The following ZNF69 variants were observed in gnomAD, a reference collection of about 807,000 sequenced individuals.
ZNF69 encodes zinc finger protein 69.
In ZNF69, 47 loss-of-function variants were observed where a neutral mutation model predicts 50.9. That is an observed-to-expected ratio of 0.92 (90% CI 0.73 to 1.18). The LOEUF is 1.18. Among genes scored for constraint, ZNF69 ranks in the 50% most tolerant of loss-of-function variants. ZNF69 has a pLI of 0.00. For missense variants in ZNF69, 717 were observed against 675.1 expected (o/e 1.06, Z -0.69); for synonymous variants, 216 against 223.1 (o/e 0.97, Z 0.29).
At chr19:11,975,709 A>G in the ZNF69 span, among the ~76,000 whole-genome samples, 54 of 152,310 alleles carry the variant, frequency 3.5e-4, no homozygotes, top group Non-Finnish European at 7.4e-4. Flanking sequence ...CTAAGACTAA[A>G]TAATATCCCA....
At chr19:11,978,960 A>C in the ZNF69 span, 3 of 1,614,198 alleles carry the variant, frequency 1.9e-6, no homozygotes, top group Non-Finnish European at 2.5e-6. Flanking sequence ...TAAGGAATGT[A>C]GAAAAGCATT....
the ZNF69 span, among the ~76,000 whole-genome samples, chr19:11,956,193 G>C: frequency 1.3e-5 from 2 of 152,122 alleles, no homozygotes; most frequent in Non-Finnish European, 2.9e-5. Context: ...AAGGATGATT[G>C]CTTTAACTTT....
the ZNF69 span, among the ~76,000 whole-genome samples, chr19:11,975,571 G>A: frequency 2.6e-5 from 4 of 151,812 alleles, no homozygotes; most frequent in East Asian, 1.9e-4. Context: ...CCAATTTTTC[G>A]TATTTTTAGT....
chr19:11,957,685 A>G, the ZNF69 span, among the ~76,000 whole-genome samples: 1 of 151,804 alleles, frequency 6.6e-6, no homozygotes, highest in African/African-American at 2.4e-5. Context: ...TCTCTATGAA[A>G]AATATAAAAA....
At chr19:11,912,930 G>A (rs112567032) in intron 4 of ZNF69, among the ~76,000 whole-genome samples, 24 of 152,184 alleles carry the variant, frequency 1.6e-4, no homozygotes, top group African/African-American at 4.3e-4. Flanking sequence ...GGCCGGGTGC[G>A]GTGGCTTATG....
chr19:11,977,018 A>T, the ZNF69 span: 2 of 1,613,966 alleles, frequency 1.2e-6, no homozygotes, highest in South Asian at 2.2e-5. Context: ...AGCCTCCTCT[A>T]CACATGTGAG....
the ZNF69 span, among the ~76,000 whole-genome samples, chr19:11,971,333 T>A: frequency 6.6e-6 from 1 of 152,182 alleles, no homozygotes; most frequent in Non-Finnish European, 1.5e-5. Flanking sequence ...TCGGAAAGCA[T>A]CTACCTTTAT....
At chr19:11,921,494 G>C in the ZNF69 span, among the ~76,000 whole-genome samples, 1 of 150,892 alleles carries the variant, frequency 6.6e-6, no homozygotes, top group South Asian at 2.1e-4. Context: ...TCTTTTGTTT[G>C]TTTGTTTGTT....
the ZNF69 span, among the ~76,000 whole-genome samples, chr19:11,925,683 G>A: frequency 6.6e-6 from 1 of 152,166 alleles, no homozygotes; most frequent in Non-Finnish European, 1.5e-5. Context: ...TTAAACTGAG[G>A]TACGTTAACA....
the ZNF69 span, among the ~76,000 whole-genome samples, chr19:11,974,138 C>CTTTCT: frequency 1.6e-4 from 18 of 109,270 alleles, no homozygotes; most frequent in African/African-American, 7.6e-4. Flanking sequence ...TTCTTTCTTT[C>CTTTCT]TTTCTTTCTT....
the ZNF69 span, among the ~76,000 whole-genome samples, chr19:11,962,746 G>T: frequency 2.0e-5 from 3 of 152,180 alleles, no homozygotes; most frequent in African/African-American, 7.2e-5. Flanking sequence ...ATCATTTAGG[G>T]TCTGTGGGAT....
chr19:11,921,418 C>T, the ZNF69 span, among the ~76,000 whole-genome samples: 1 of 152,124 alleles, frequency 6.6e-6, no homozygotes, highest in African/African-American at 2.4e-5. Flanking sequence ...ATCCCCCTAC[C>T]TCAGCCTCCC....
chr19:11,913,074 G>A (rs1387062878), intron 4 of ZNF69, among the ~76,000 whole-genome samples: 1 of 151,908 alleles, frequency 6.6e-6, no homozygotes, highest in Non-Finnish European at 1.5e-5. Flanking sequence ...GTGGGTGCCT[G>A]CAGTCCCAGC....
chr19:11,911,093 CAG>C (rs1315988661), downstream of ZNF69, among the ~76,000 whole-genome samples: 1 of 152,146 alleles, frequency 6.6e-6, no homozygotes, highest in African/African-American at 2.4e-5. Flanking sequence ...CACTGGCCAT[CAG>C]AGAAATGCAA....
At chr19:11,962,969 G>T in the ZNF69 span, among the ~76,000 whole-genome samples, 1 of 152,110 alleles carries the variant, frequency 6.6e-6, no homozygotes, top group African/African-American at 2.4e-5. Flanking sequence ...AGTAGGCCAA[G>T]CCTCTTATGT....
At chr19:11,957,332 G>A in the ZNF69 span, among the ~76,000 whole-genome samples, 1 of 151,704 alleles carries the variant, frequency 6.6e-6, no homozygotes, top group East Asian at 2.0e-4. Context: ...CTGACCTCGT[G>A]ATCTGCCTGC....
At chr19:11,955,311 T>A in the ZNF69 span, among the ~76,000 whole-genome samples, 1 of 152,036 alleles carries the variant, frequency 6.6e-6, no homozygotes, top group Non-Finnish European at 1.5e-5. Flanking sequence ...CTGAAAATTC[T>A]TGTTTAATTT....
At chr19:11,968,033 A>G in the ZNF69 span, among the ~76,000 whole-genome samples, 1 of 152,176 alleles carries the variant, frequency 6.6e-6, no homozygotes, top group Non-Finnish European at 1.5e-5. Context: ...GTGTAAGGAT[A>G]CTTGCAGGCA....
the ZNF69 span, among the ~76,000 whole-genome samples, chr19:11,944,586 C>T: frequency 0.013 from 1,957 of 152,328 alleles, 20 homozygotes; most frequent in Middle Eastern, 0.02. Context: ...CGGGTTACTT[C>T]ACCAGCTTTC....
Sources: gnomAD v4.1 joint callset for allele counts (sites outside exome capture counted in the v4.1 genomes callset) on GRCh38, gnomAD v4.1.1 for gene constraint, MANE v1.5 for transcripts, NCBI Gene and HGNC (gene_info 2026-07-23, HGNC 2026-07-21) for gene names.